DENND2D: variants seen among roughly 807,000 people sequenced by gnomAD.
DENND2D encodes the protein DENN domain-containing protein 2D.
Under a neutral mutation model 59.8 loss-of-function variants are expected in DENND2D, and 37 were observed. That is an observed-to-expected ratio of 0.62 (90% confidence interval 0.48 to 0.81). DENND2D has a LOEUF of 0.81. DENND2D is among the 40% of genes least tolerant of loss of function. The pLI is 0.00. For synonymous variants in DENND2D, 219 were observed against 211.3 expected (o/e 1.04, Z -0.31); for missense variants, 525 against 579.7 (o/e 0.91, Z 0.97).
intron 5 of DENND2D, chr1:111,196,514 G>A (rs1487891224): frequency 1.2e-5 from 2 of 162,604 alleles, no homozygotes; most frequent in Admixed American, 1.1e-4. Context: ...ATCCCTAGGA[G>A]CACTGCACAA....
intron 3 of DENND2D, 89 bp from the exon 4 acceptor site, chr1:111,198,078 C>T (rs1002285227): frequency 8.5e-6 from 11 of 1,291,806 alleles, no homozygotes; most frequent in South Asian, 2.5e-5. Context: ...GAGAGGAGGG[C>T]AAAGGGGAGT....
At chr1:111,191,930 T>G (rs1010104638) in intron 8 of DENND2D, among the ~76,000 whole-genome samples, 1 of 152,200 alleles carries the variant, frequency 6.6e-6, no homozygotes, top group Non-Finnish European at 1.5e-5. Flanking sequence ...CACCTGTGTG[T>G]CGGGTGCCAG....
At chr1:111,197,148 G>GGCAGGACAA (rs762101502) in intron 5 of DENND2D, 28 bp downstream of exon 5, 2 of 751,906 alleles carry the variant, frequency 2.7e-6, no homozygotes, top group Admixed American at 1.0e-4. Flanking sequence ...CTGGAATATG[G>GGCAGGACAA]GCAGGCCCTG....
upstream of DENND2D, chr1:111,204,231 C>T: frequency 7.0e-7 from 1 of 1,421,342 alleles, no homozygotes. Context: ...CCCCAGCCGC[C>T]AGCCCTAGCC....
rs140839500 is a variant in DENND2D at position 111,199,850 on chromosome 1, A to T, written c.68-52T>A. 2.5e-4 allele frequency: 388 copies of T among 1,574,400 alleles called. No homozygotes were observed. In the African/African-American group the frequency reaches 4.6e-3, roughly 19 times the overall value. The stretch of plus-strand genomic sequence containing the variant: ...TATAATCTCATTGATCCATTCCTGG[A>T]GTGGAGTCTGTGAGAATCCGGGTGA... On this transcript the variant is annotated intron_variant, in intron 1 of 11. Coordinates refer to ENST00000357640, the MANE Select transcript of DENND2D (RefSeq NM_024901.5).
chr1:111,199,188 T>C (rs1165826434), intron 2 of DENND2D, among the ~76,000 whole-genome samples: 3 of 152,220 alleles, frequency 2.0e-5, no homozygotes, highest in Non-Finnish European at 4.4e-5. Flanking sequence ...AGGAGTCTAA[T>C]GCTTGGGCTC....
intron 7 of DENND2D, among the ~76,000 whole-genome samples, chr1:111,194,034 CTT>C (rs1384639872): frequency 6.6e-6 from 1 of 152,212 alleles, no homozygotes; most frequent in Non-Finnish European, 1.5e-5. Context: ...AACAAACTAA[CTT>C]AATGGGAACC....
intron 8 of DENND2D, 89 bp downstream of exon 8, chr1:111,192,051 C>T (rs1657824318): frequency 5.6e-6 from 7 of 1,258,914 alleles, no homozygotes; most frequent in Non-Finnish European, 7.5e-6. Flanking sequence ...GTAACTTGCC[C>T]CTAATCACAC....
chr1:111,191,123 T>G (rs867669552), intron 8 of DENND2D, among the ~76,000 whole-genome samples: 3 of 152,278 alleles, frequency 2.0e-5, no homozygotes, highest in African/African-American at 7.2e-5. Flanking sequence ...TGTTTATTGC[T>G]AAACATGGGG....
chr1:111,188,213 G>A lies in DENND2D; in HGVS notation c.1257C>T (p.Arg419=). ...TCTTCACAAACTTCTTCACAAATCG[G>A]CGGTTGGTCTTGGAGGTCAGAGCCT... ...FCKALTSKTN[R]RFVKKFVKTQ... Residue 419 remains arginine (R), a synonymous_variant, in exon 11 of 12, where the codon CGC becomes CGT. Coordinates refer to ENST00000357640, the MANE Select transcript of DENND2D (RefSeq NM_024901.5). 1 of 1,614,168 alleles carries A rather than the reference G, an allele frequency of 6.2e-7. No individual in the cohort carries two copies. The highest frequency in any genetic ancestry group is 1.6e-4 in the Middle Eastern group (1 of 6,062).
At chr1:111,189,347 T>C in intron 8 of DENND2D, 94 bp from the exon 9 acceptor site, 1 of 1,338,094 alleles carries the variant, frequency 7.5e-7, no homozygotes, top group Non-Finnish European at 1.1e-6. Context: ...GCTGTATCTT[T>C]CAGCCCAGGT....
upstream of DENND2D, chr1:111,204,451 G>A (rs1571211328): frequency 8.3e-7 from 1 of 1,203,772 alleles, no homozygotes; most frequent in East Asian, 3.2e-5. Flanking sequence ...TTCACGCGGG[G>A]GGAGGCCTAG....
At chr1:111,203,753 T>C (rs1411350927), upstream of DENND2D, among the ~76,000 whole-genome samples, 2 of 152,084 alleles carry the variant, frequency 1.3e-5, no homozygotes, top group East Asian at 3.9e-4. Flanking sequence ...GGCCACACTC[T>C]GAAGGGCACC....
intron 4 of DENND2D, chr1:111,197,687 A>T: frequency 7.2e-7 from 1 of 1,396,380 alleles, no homozygotes; most frequent in Non-Finnish European, 9.3e-7. Context: ...TTGTATTGAA[A>T]GCCAGAGAGA....
chr1:111,200,071 G>A (rs1658648154), intron 1 of DENND2D: 2 of 563,864 alleles, frequency 3.5e-6, no homozygotes, highest in Non-Finnish European at 6.2e-6. Flanking sequence ...CCACATGGAG[G>A]CCAAGGCCCC....
At chr1:111,197,298 A>G (rs1658335343) in intron 4 of DENND2D, 45 bp from the exon 5 acceptor site, 1 of 1,585,766 alleles carries the variant, frequency 6.3e-7, no homozygotes, top group Middle Eastern at 1.7e-4. Context: ...AGCCTCCCCA[A>G]GGGCTTCTCC....
At position 111,198,750 on chromosome 1, in the gene DENND2D, G is replaced by A. The variant is rs761062864; in HGVS notation, c.244-8C>T. The A allele has an allele frequency of 5.6e-6, 9 of 1,613,838 alleles. No homozygotes were observed. Among genetic ancestry groups the A allele is most frequent in the Non-Finnish European group, 7.6e-6 (9 of 1,179,936 alleles). ...CCGAAGCAGGTTCTCCCGCTATAAG[G>A]CAAAGGAAAAGACAAGTGGATGTGA... is the stretch of plus-strand genomic sequence containing the variant. On this transcript the variant is annotated splice_region_variant and splice_polypyrimidine_tract_variant and intron_variant, in intron 2 of 11. Transcript: ENST00000357640.
chr1:111,198,340 C>T (rs1658451967), intron 3 of DENND2D, among the ~76,000 whole-genome samples: 2 of 152,206 alleles, frequency 1.3e-5, no homozygotes, highest in African/African-American at 4.8e-5. Context: ...TGGAGGCTAA[C>T]TGCTTTCTGC....
intron 9 of DENND2D, 95 bp downstream of exon 9, chr1:111,189,117 A>T: frequency 7.0e-7 from 1 of 1,422,612 alleles, no homozygotes; most frequent in Non-Finnish European, 9.9e-7. Context: ...CTCAACAAAG[A>T]ACTTAAATGT....
Sources: gnomAD v4.1 joint callset for allele counts (sites outside exome capture counted in the v4.1 genomes callset) on GRCh38, gnomAD v4.1.1 for gene constraint, MANE v1.5 for transcripts, NCBI Gene and HGNC (gene_info 2026-07-23, HGNC 2026-07-21) for gene names.